Variants in MYO16 observed in about 807,000 individuals in gnomAD.
MYO16 encodes the protein unconventional myosin-XVI.
Under a neutral mutation model 205.3 loss-of-function variants are expected in MYO16, and 94 were observed. The ratio of observed to expected loss-of-function variants is 0.46; its 90% CI spans 0.39 to 0.54. MYO16 has a LOEUF of 0.54. Among genes scored for constraint, MYO16 ranks in the 20% least tolerant of loss-of-function variants. The probability of loss-of-function intolerance (pLI) is 0.00; values close to 1 mark genes in which losing one functional copy is unlikely to be tolerated. For missense variants in MYO16, 2,315 were observed against 2,387.5 expected, an observed-to-expected ratio of 0.97 and a Z score of 0.63; for synonymous variants, 988 against 954.0, an observed-to-expected ratio of 1.04 and a Z score of -0.66.
chr13:108,978,754 C>T (rs1315783679), intron 20 of MYO16, among the ~76,000 whole-genome samples: 1 of 151,952 alleles, frequency 6.6e-6, no homozygotes, highest in Non-Finnish European at 1.5e-5. Context: ...CTCTCCAAAA[C>T]AGTTTGTACT....
intron 27 of MYO16, among the ~76,000 whole-genome samples, chr13:109,089,560 G>T (rs961213963): frequency 6.6e-6 from 1 of 152,098 alleles, no homozygotes; most frequent in African/African-American, 2.4e-5. Context: ...TATTCTGTAT[G>T]TTGGTTGTCT....
At position 108,824,214 on chromosome 13, in the gene MYO16, T is replaced by C. The variant is rs564526057; in HGVS notation, c.1097+936T>C. On this transcript the variant is annotated intron_variant, in intron 9 of 34. Coordinates refer to ENST00000457511, the MANE Select transcript of MYO16 (RefSeq NM_001198950.3). ...AAATTGATAGCACCTGTAAAATTAC[T>C]GAAAGATAAATTATTAAACATTGGA... Among the ~76,000 whole-genome samples, 145 of 152,136 alleles carry C rather than the reference T, an allele frequency of 9.5e-4. 1 individual carries two copies. The highest frequency in any genetic ancestry group is 3.3e-3 in the African/African-American group (135 of 41,536).
chr13:109,205,050 TAA>T (rs35890376), intron 34 of MYO16, among the ~76,000 whole-genome samples: 4 of 151,142 alleles, frequency 2.6e-5, no homozygotes, highest in African/African-American at 4.9e-5. Context: ...CCCTAAAGAA[TAA>T]AAAAAAAATA....
In MYO16 at chr13:109,123,451, T is replaced by C. The variant is rs567133982; in HGVS notation, c.3536-1661T>C. Among the ~76,000 whole-genome samples, 19 of 152,304 alleles carry C rather than the reference T, an allele frequency of 1.2e-4. 1 individual carries two copies. In the East Asian group the frequency reaches 3.7e-3, roughly 29 times the overall value. ...CCGAAAGCCAATGTCTCCCTTTTTT[T>C]TTAGTGTAACAAGAAAGAACGAGTG... On this transcript the variant is annotated intron_variant, in intron 29 of 34. Coordinates refer to ENST00000457511, the MANE Select transcript of MYO16 (RefSeq NM_001198950.3).
intron 20 of MYO16, among the ~76,000 whole-genome samples, chr13:108,990,147 T>TACAC (rs56975148): frequency 0.15 from 22,954 of 148,300 alleles, 1,856 homozygotes; most frequent in Non-Finnish European, 0.18. Context: ...ACACAGACAA[T>TACAC]ACACACACAC....
chr13:109,050,445 C>T (rs1887209469), intron 24 of MYO16, among the ~76,000 whole-genome samples: 2 of 152,132 alleles, frequency 1.3e-5, no homozygotes, highest in South Asian at 4.1e-4. Flanking sequence ...TCACCATGAG[C>T]ACTGTGATAA....
At chr13:108,927,373 C>A (rs529869733) in intron 16 of MYO16, among the ~76,000 whole-genome samples, 1 of 152,098 alleles carries the variant, frequency 6.6e-6, no homozygotes, top group African/African-American at 2.4e-5. Context: ...ACCTCTGAGG[C>A]CTTTGACTTC....
intron 6 of MYO16, among the ~76,000 whole-genome samples, chr13:108,806,135 A>G (rs1169940770): frequency 6.6e-6 from 1 of 151,958 alleles, no homozygotes; most frequent in African/African-American, 2.4e-5. Context: ...AAAAGAAACT[A>G]AAACTGGGAG....
chr13:109,084,454 A>T (rs937908062), intron 27 of MYO16, among the ~76,000 whole-genome samples: 8 of 152,182 alleles, frequency 5.3e-5, no homozygotes, highest in Non-Finnish European at 1.0e-4. Flanking sequence ...GAAAATAAGA[A>T]ATGAATGGCT....
At chr13:108,897,713 A>T (rs918767003) in intron 14 of MYO16, among the ~76,000 whole-genome samples, 6 of 152,162 alleles carry the variant, frequency 3.9e-5, no homozygotes, top group Non-Finnish European at 7.3e-5. Context: ...TCTTGATAAC[A>T]TTTGTTAAGC....
intron 4 of MYO16, among the ~76,000 whole-genome samples, chr13:108,751,040 TAA>T (rs1251834982): frequency 1.1e-5 from 1 of 88,220 alleles, no homozygotes; most frequent in African/African-American, 3.9e-5. Flanking sequence ...TGTATGTGTA[TAA>T]ATATATATAT....
intron 16 of MYO16, among the ~76,000 whole-genome samples, chr13:108,919,072 A>T (rs1881628097): frequency 2.6e-5 from 4 of 152,146 alleles, no homozygotes; most frequent in Admixed American, 2.6e-4. Flanking sequence ...CTTTTTCTCC[A>T]GATACTCAGG....
intron 21 of MYO16, among the ~76,000 whole-genome samples, chr13:109,002,441 T>G (rs547225262): frequency 6.6e-6 from 1 of 152,314 alleles, no homozygotes; most frequent in Non-Finnish European, 1.5e-5. Context: ...AAGAGTGTGT[T>G]CCAGGGGTGC....
intron 23 of MYO16, among the ~76,000 whole-genome samples, chr13:109,025,570 T>C (rs1886336318): frequency 6.6e-6 from 1 of 152,288 alleles, no homozygotes; most frequent in Non-Finnish European, 1.5e-5. Flanking sequence ...TTAGCAAATA[T>C]TAAATCATAT....
chr13:109,160,186 G>A (rs1156641935), intron 32 of MYO16, among the ~76,000 whole-genome samples: 1 of 152,158 alleles, frequency 6.6e-6, no homozygotes, highest in Non-Finnish European at 1.5e-5. Context: ...AATGTCCCCT[G>A]GGGGTCAGAA....
At chr13:109,046,100 C>G (rs1887036631) in intron 23 of MYO16, among the ~76,000 whole-genome samples, 1 of 152,188 alleles carries the variant, frequency 6.6e-6, no homozygotes, top group Admixed American at 6.5e-5. Flanking sequence ...TTGGTTGTTG[C>G]TCACTCTTGC....
chr13:109,041,882 A>G (rs1257543789), intron 23 of MYO16, among the ~76,000 whole-genome samples: 1 of 142,656 alleles, frequency 7.0e-6, no homozygotes, highest in Admixed American at 7.2e-5. Flanking sequence ...TTTTTCCGAG[A>G]CTAGAGTGTC....
chr13:108,574,871 T>C, the MYO16 span, among the ~76,000 whole-genome samples: 1 of 152,156 alleles, frequency 6.6e-6, no homozygotes, highest in Non-Finnish European at 1.5e-5. Flanking sequence ...AAGTTCTCAC[T>C]TGACTAGTTC....
At chr13:108,703,843 C>A (rs1015452928) in intron 2 of MYO16, among the ~76,000 whole-genome samples, 11 of 152,144 alleles carry the variant, frequency 7.2e-5, no homozygotes, top group Non-Finnish European at 1.0e-4. Flanking sequence ...ATGTTATACC[C>A]TTAGCCCCCA....
Sources: gnomAD v4.1 joint callset for allele counts (sites outside exome capture counted in the v4.1 genomes callset) on GRCh38, gnomAD v4.1.1 for gene constraint, MANE v1.5 for transcripts, NCBI Gene and HGNC (gene_info 2026-07-23, HGNC 2026-07-21) for gene names.